PRDM15: variants seen among roughly 807,000 people sequenced by gnomAD.
PRDM15 encodes PR/SET domain 15.
PRDM15 carries 64 observed loss-of-function variants against 128.6 expected under a neutral mutation model. That is an observed-to-expected ratio of 0.50 (90% CI 0.41 to 0.61). The LOEUF (loss-of-function observed/expected upper bound fraction) is 0.61, where lower values mean the gene tolerates loss of function less well. Among genes scored for constraint, PRDM15 ranks in the 20% least tolerant of loss-of-function variants. The probability of loss-of-function intolerance (pLI) is 0.00; values close to 1 mark genes in which losing one functional copy is unlikely to be tolerated. For synonymous variants in PRDM15, 615 were observed against 621.8 expected, an observed-to-expected ratio of 0.99 and a Z score of 0.16; for missense variants, 1,242 against 1,569.1, an observed-to-expected ratio of 0.79 and a Z score of 3.52.
chr21:41,849,675 G>C (rs1452774075), intron 5 of PRDM15, among the ~76,000 whole-genome samples: 1 of 152,214 alleles, frequency 6.6e-6, no homozygotes, highest in Non-Finnish European at 1.5e-5. Context: ...GGTGGCTCAT[G>C]CCTGTAATCC....
At chr21:41,878,961 C>G in intron 1 of PRDM15, 1 of 975,548 alleles carries the variant, frequency 1.0e-6, no homozygotes, top group Non-Finnish European at 1.2e-6. Context: ...GACGGGGGCG[C>G]GGAGCCCGGC....
chr21:41,819,951 G>A (rs573342860), intron 17 of PRDM15, 144 bp downstream of exon 17: 18 of 803,330 alleles, frequency 2.2e-5, no homozygotes, highest in African/African-American at 5.1e-5. Context: ...TGATAAGGAC[G>A]GGAAAAGCTG....
intron 21 of PRDM15, among the ~76,000 whole-genome samples, chr21:41,806,427 TCACCAC>T (rs1568882896): frequency 9.2e-5 from 1 of 10,896 alleles, no homozygotes; most frequent in African/African-American, 3.2e-4. Context: ...ACCACCACCA[TCACCAC>T]CACCACCATC....
chr21:41,799,385 G>A lies in PRDM15; in HGVS notation c.*1855C>T, dbSNP rs927495020. On this transcript the variant is annotated 3_prime_UTR_variant, in exon 24 of 24. Coordinates refer to ENST00000398548, the MANE Select transcript of PRDM15 (RefSeq NM_001040424.3). ...CCCCAAGCCCGAATTCATTTGATGA[G>A]ACTACTATGTATAAAACAGTTAATT... is the stretch of plus-strand genomic sequence containing the variant. 2.0e-5 allele frequency: 3 copies of A among 152,168 alleles called. No homozygotes were observed. The highest frequency in any genetic ancestry group is 2.9e-5 in the Non-Finnish European group (2 of 68,022). 9.4% of individuals were successfully genotyped at this position (152,168 alleles called of 1,614,324 possible).
intron 11 of PRDM15, among the ~76,000 whole-genome samples, chr21:41,833,749 C>A (rs2062775182): frequency 6.6e-6 from 1 of 152,214 alleles, no homozygotes; most frequent in South Asian, 2.1e-4. Context: ...CCTAACAGCA[C>A]CTCTGGCTGA....
At position 41,802,834 on chromosome 21, in the gene PRDM15, C is replaced by G. The variant is rs748541544; in HGVS notation, c.2821G>C (p.Glu941Gln). 1.3e-5 allele frequency: 21 copies of G among 1,614,236 alleles called. No homozygotes were observed. The highest frequency in any genetic ancestry group is 1.4e-5 in the Non-Finnish European group (16 of 1,180,034). The stretch of plus-strand genomic sequence containing the variant: ...GGCACCGGAGCACCCGCCTCCTCTT[C>G]TGGCTTCTGCTTTCTCTTGTGACTT... ...KRSHKRKQKP[E>Q]EEAGAPVPED... The change falls in exon 23 of 24, where the codon GAA becomes CAA. Residue 941 changes from glutamate (E) to glutamine (Q), a missense_variant. This residue lies in a region of PRDM15 where 602 missense variants were observed against 788.3 expected (regional missense o/e 0.76). Coordinates refer to ENST00000398548, the MANE Select transcript of PRDM15 (RefSeq NM_001040424.3).
At position 41,857,325 on chromosome 21, in the gene PRDM15, A is replaced by T; in HGVS notation, c.136T>A (p.Ser46Thr). The T allele has an allele frequency of 1.2e-6, 2 of 1,613,726 alleles. No individual in the cohort carries two copies. Among genetic ancestry groups the T allele is most frequent in the East Asian group, 4.5e-5 (2 of 44,882 alleles). The change falls in exon 4 of 24, where the codon TCC (serine) becomes ACC (threonine). Residue 46 changes from serine (S) to threonine (T), a missense_variant. Around this residue, in one of 3 missense-constraint regions of PRDM15, gnomAD observed 612 missense variants for 717.0 expected, o/e 0.85. Transcript: ENST00000398548. ...CTGATCTCCAAGTTGGGAGGAAGGG[A>T]TGACCTGGAAATGGAATAAAACAAG... is the stretch of plus-strand genomic sequence containing the variant. ...DSFVLSRARS[S>T]LPPNLEIRRL...
At chr21:41,831,431 G>A (rs79901159) in intron 11 of PRDM15, among the ~76,000 whole-genome samples, 8,563 of 152,280 alleles carry the variant, frequency 0.056, 278 homozygotes, top group Middle Eastern at 0.12. Context: ...TGGGGCAAAC[G>A]CCCTCCACTC....
At chr21:41,860,777 C>T (rs896628707) in intron 1 of PRDM15, among the ~76,000 whole-genome samples, 1 of 152,174 alleles carries the variant, frequency 6.6e-6, no homozygotes, top group Non-Finnish European at 1.5e-5. Flanking sequence ...CCAGCCAGTA[C>T]AGGAACATTA....
chr21:41,829,206 T>A (rs1378801680), intron 11 of PRDM15, among the ~76,000 whole-genome samples: 1 of 117,308 alleles, frequency 8.5e-6, no homozygotes, highest in Non-Finnish European at 1.7e-5. Flanking sequence ...CACATACACA[T>A]ACATGTCACA....
chr21:41,816,162 A>G (rs2062044590), intron 18 of PRDM15, among the ~76,000 whole-genome samples: 1 of 152,230 alleles, frequency 6.6e-6, no homozygotes, highest in Non-Finnish European at 1.5e-5. Context: ...TCGGTGAGAG[A>G]TAGATTAATA....
At position 41,854,586 on chromosome 21, in the gene PRDM15, T is replaced by A. The variant is rs150375799; in HGVS notation, c.518A>T (p.Gln173Leu). 142 of 1,613,386 alleles carry A rather than the reference T, an allele frequency of 8.8e-5. No homozygotes were observed. The highest frequency in any genetic ancestry group is 1.2e-4 in the Non-Finnish European group (139 of 1,179,978). ...AKKMDKPMLK[Q>L]AGSGVHAAGT... is the part of the protein sequence containing the mutation. ...CATACCGTGGACGCCAGAGCCGGCCTGCTTCAGCATGGGCTTGTCCATCTT... is the reference window on the plus strand; with the variant it reads ...CATACCGTGGACGCCAGAGCCGGCCAGCTTCAGCATGGGCTTGTCCATCTT... Residue 173 changes from glutamine to leucine, a missense_variant, in exon 5 of 24, where the codon CAG becomes CTG. Gln to Leu is a moderately radical substitution (Grantham distance 113, BLOSUM62 -2). This residue lies in a region of PRDM15 where 612 missense variants were observed against 717.0 expected (regional missense o/e 0.85). Transcript: ENST00000398548. The surrounding 1 kb of genome is among the most constrained non-coding windows in gnomAD (Gnocchi z 4.6).
Position 41,799,659 on chromosome 21 carries a change from T to TG in PRDM15, c.*1580dup, listed in dbSNP as rs1318672524. The TG allele has an allele frequency of 6.6e-6, 1 of 152,336 alleles. No individual in the cohort carries two copies. Among genetic ancestry groups the TG allele is most frequent in the Non-Finnish European group, 1.5e-5 (1 of 68,034 alleles). The allele number at this position is 152,336 out of a possible 1,614,324, so 9.4% of individuals were successfully genotyped here. A position where few individuals can be genotyped will look rare whatever the true frequency, so the allele number is the denominator to read the frequency against. On this transcript the variant is annotated 3_prime_UTR_variant, in exon 24 of 24. Transcript: ENST00000398548. Reference sequence around the variant, plus strand: ...GTTTGGAGTGAAGTGCTGAGAAAGTTGCGTTTTGAAAAACACAATCATCCT... The same window carrying TG: ...GTTTGGAGTGAAGTGCTGAGAAAGTTGGCGTTTTGAAAAACACAATCATCCT...
At chr21:41,876,019 C>T (rs1024975709) in intron 1 of PRDM15, among the ~76,000 whole-genome samples, 6 of 152,146 alleles carry the variant, frequency 3.9e-5, no homozygotes, top group African/African-American at 9.7e-5. Flanking sequence ...ACTTAACTAA[C>T]GGAATACTGT....
In PRDM15 at chr21:41,832,744, C is replaced by A. The variant is rs897535887; in HGVS notation, c.1366+2693G>T. Among the ~76,000 whole-genome samples, 1 of 152,194 alleles carries A rather than the reference C, an allele frequency of 6.6e-6. No individual in the cohort carries two copies. The highest frequency in any genetic ancestry group is 2.4e-5 in the African/African-American group (1 of 41,428). On this transcript the variant is annotated intron_variant, in intron 11 of 23. Coordinates refer to ENST00000398548, the MANE Select transcript of PRDM15 (RefSeq NM_001040424.3). This position sits in a 1 kb window ranked among gnomAD's most constrained non-coding sequence, Gnocchi z 4.2. ...GGTGCAAATCAGCACCCATGAGCACCCCCTCCTGGGCAGGTGGCTCCACTA... is the reference window on the plus strand; with the variant it reads ...GGTGCAAATCAGCACCCATGAGCACACCCTCCTGGGCAGGTGGCTCCACTA...
chr21:41,828,626 C>A lies in PRDM15; in HGVS notation c.1367-293G>T, dbSNP rs915060195. Among the ~76,000 whole-genome samples the A allele has an allele frequency of 1.3e-5, 2 of 152,050 alleles. No homozygotes were observed. The highest frequency in any genetic ancestry group is 2.9e-5 in the Non-Finnish European group (2 of 67,942). The stretch of plus-strand genomic sequence containing the variant: ...CACCCTGCCCCACAGCACCTGGGGA[C>A]GATGACTCCACTTCCGTCAGGAAAG... On this transcript the variant is annotated intron_variant, in intron 11 of 23. Coordinates refer to ENST00000398548, the MANE Select transcript of PRDM15 (RefSeq NM_001040424.3). The surrounding 1 kb of genome is among the most constrained non-coding windows in gnomAD (Gnocchi z 5.7).
chr21:41,876,635 G>A (rs76267632), intron 1 of PRDM15, among the ~76,000 whole-genome samples: 1,839 of 152,314 alleles, frequency 0.012, 41 homozygotes, highest in African/African-American at 0.042. Context: ...GGAGCCTTTT[G>A]AGGAGCGGAC....
chr21:41,833,178 A>G (rs960261853), intron 11 of PRDM15, among the ~76,000 whole-genome samples: 2 of 152,228 alleles, frequency 1.3e-5, no homozygotes, highest in Non-Finnish European at 2.9e-5. Context: ...TCCGTAGCAC[A>G]GTACTTATGG....
chr21:41,800,205 A>G lies in PRDM15; in HGVS notation c.*1035T>C, dbSNP rs1430196205. ...CAACCTTTGGAATTGAAGTTTAAAC[A>G]GAAGGAAAATATGACTTTTCCCCCG... is the stretch of plus-strand genomic sequence containing the variant. On this transcript the variant is annotated 3_prime_UTR_variant, in exon 24 of 24. Transcript: ENST00000398548. 3.3e-5 allele frequency: 5 copies of G among 152,270 alleles called. No homozygotes were observed. Among genetic ancestry groups the G allele is most frequent in the Admixed American group, 2.0e-4 (3 of 15,292 alleles). The allele number at this position is 152,270 out of a possible 1,614,324, so 9.4% of individuals were successfully genotyped here. A position where few individuals can be genotyped will look rare whatever the true frequency, so the allele number is the denominator to read the frequency against.
Sources: gnomAD v4.1 joint callset for allele counts (sites outside exome capture counted in the v4.1 genomes callset) on GRCh38, gnomAD v4.1.1 for gene constraint, gnomAD v4.1.1 regional missense constraint, Gnocchi (gnomAD v3.1) non-coding constraint, MANE v1.5 for transcripts, NCBI Gene and HGNC (gene_info 2026-07-23, HGNC 2026-07-21) for gene names.